Variants in TAF1 observed in about 807,000 individuals in gnomAD.
The protein encoded by TAF1 is transcription initiation factor TFIID subunit 1.
TAF1 carries 2 observed loss-of-function variants against 138.5 expected under a neutral mutation model. The observed-to-expected ratio is 0.01, with a 90% CI of 0.01 to 0.05. The LOEUF is 0.05. Ranked by LOEUF, TAF1 falls within the 10% of genes least tolerant of loss-of-function variation. The probability of loss-of-function intolerance (pLI) is 1.00; values close to 1 mark genes in which losing one functional copy is unlikely to be tolerated. For missense variants in TAF1, 709 were observed against 1,478.0 expected, an observed-to-expected ratio of 0.48 and a Z score of 8.53; for synonymous variants, 437 against 503.2, an observed-to-expected ratio of 0.87 and a Z score of 1.76.
At chrX:71,406,254 GGGAGGT>G (rs1170063041) in intron 25 of TAF1, among the ~76,000 whole-genome samples, 1 of 107,352 alleles carries the variant, frequency 9.3e-6, no homozygotes, top group Non-Finnish European at 1.9e-5. Flanking sequence ...ACTTGAACCT[GGGAGGT>G]GGAGGTTGCA....
At chrX:71,435,700 CTAT>C (rs2037103519) in intron 32 of TAF1, among the ~76,000 whole-genome samples, 1 of 111,378 alleles carries the variant, frequency 9.0e-6, no homozygotes, top group Non-Finnish European at 1.9e-5. Context: ...AGCATTTATT[CTAT>C]CATGCCCAGA....
At chrX:71,438,300 T>G (rs1257157657) in intron 32 of TAF1, among the ~76,000 whole-genome samples, 1 of 111,504 alleles carries the variant, frequency 9.0e-6, no homozygotes, top group Non-Finnish European at 1.9e-5. Flanking sequence ...CCTGGTAACC[T>G]CTATTCTAGT....
intron 13 of TAF1, among the ~76,000 whole-genome samples, chrX:71,506,124 C>A (rs1448388214): frequency 9.2e-6 from 1 of 108,612 alleles, no homozygotes; most frequent in African/African-American, 3.4e-5. Context: ...CCCTTGAACC[C>A]GGGAGGTGGA....
intron 13 of TAF1, among the ~76,000 whole-genome samples, chrX:71,497,888 G>A (rs1172132059): frequency 9.0e-6 from 1 of 111,650 alleles, no homozygotes; most frequent in Admixed American, 9.6e-5. Context: ...AATGTCCTAG[G>A]GTGAGGATAA....
chrX:71,430,093 C>CA (rs2036800260), intron 32 of TAF1, among the ~76,000 whole-genome samples: 2 of 111,668 alleles, frequency 1.8e-5, no homozygotes, highest in Non-Finnish European at 3.8e-5. Context: ...AAAAATGGCA[C>CA]ATCTAGGCCG....
At chrX:71,447,500 C>T (rs12688257) in intron 32 of TAF1, among the ~76,000 whole-genome samples, 4 of 110,526 alleles carry the variant, frequency 3.6e-5, no homozygotes, top group Admixed American at 9.7e-5. Flanking sequence ...GTCAGGAGTT[C>T]GAGACCAGCC....
intron 32 of TAF1, among the ~76,000 whole-genome samples, chrX:71,437,805 A>G (rs960984545): frequency 4.6e-5 from 5 of 107,557 alleles, no homozygotes. Context: ...TATGGAAAAT[A>G]TACATAATAT....
Position 71,452,684 on chromosome X carries a change from T to C in TAF1, c.4754-1486T>C, listed in dbSNP as rs568215001. 9.2e-4 allele frequency among the ~76,000 whole-genome samples: 103 copies of C among 112,055 alleles called. 2 individuals are homozygous for C. In the South Asian group the frequency reaches 0.019, roughly 20 times the overall value. On this transcript the variant is annotated intron_variant, in intron 32 of 37. Transcript: ENST00000423759. ...GGCGGCCGGGCAGAGGCTGCAATCT[T>C]GGCACTTTGGGGGGCCAAGGCAGGC...
intron 28 of TAF1, chrX:71,420,491 A>G (rs2036270930): frequency 3.3e-6 from 4 of 1,201,391 alleles, no homozygotes; most frequent in Admixed American, 4.3e-5. Flanking sequence ...TGGAACGGGC[A>G]TCGGCCTCCA....
At chrX:71,513,873 A>G (rs911863856) in intron 13 of TAF1, among the ~76,000 whole-genome samples, 1 of 111,292 alleles carries the variant, frequency 9.0e-6, no homozygotes, top group Non-Finnish European at 1.9e-5. Flanking sequence ...AAAATGCACC[A>G]ATCAGCGCTC....
At chrX:71,411,826 C>T (rs1482322177) in intron 28 of TAF1, among the ~76,000 whole-genome samples, 2 of 112,505 alleles carry the variant, frequency 1.8e-5, no homozygotes, top group African/African-American at 3.2e-5. Flanking sequence ...AGCGTGATCT[C>T]AGCTCACCGC....
At chrX:71,499,870 T>C (rs2039465328) in intron 13 of TAF1, among the ~76,000 whole-genome samples, 1 of 112,114 alleles carries the variant, frequency 8.9e-6, no homozygotes, top group African/African-American at 3.2e-5. Context: ...CCAAGTGAGA[T>C]CGAAGGTTTG....
chrX:71,369,219 A>G (rs1376669746), intron 3 of TAF1, among the ~76,000 whole-genome samples: 1 of 110,372 alleles, frequency 9.1e-6, no homozygotes, highest in Non-Finnish European at 1.9e-5. Flanking sequence ...TTGGTTTCGA[A>G]CTCCTTACCT....
intron 25 of TAF1, among the ~76,000 whole-genome samples, chrX:71,404,393 C>T (rs1395087294): frequency 9.0e-6 from 1 of 110,821 alleles, no homozygotes; most frequent in Non-Finnish European, 1.9e-5. Flanking sequence ...GCTCTGTCAC[C>T]CAGGCTGGAG....
At chrX:71,432,443 G>A (rs1010014333) in intron 32 of TAF1, among the ~76,000 whole-genome samples, 4 of 111,175 alleles carry the variant, frequency 3.6e-5, no homozygotes, top group African/African-American at 1.3e-4. Flanking sequence ...GCTGATTAGG[G>A]ACATTTCAGA....
rs137873668 is a variant in TAF1 at position 71,376,812 on chromosome X, A to G, written c.473-138A>G. On this transcript the variant is annotated intron_variant, in intron 4 of 37. Coordinates refer to ENST00000423759, the MANE Select transcript of TAF1 (RefSeq NM_004606.5). ...TTAGAATGAGTTTTCTGGGTTGCATACTAGTATTATGATTTGGGTGCTTGG... is the reference window on the plus strand; with the variant it reads ...TTAGAATGAGTTTTCTGGGTTGCATGCTAGTATTATGATTTGGGTGCTTGG... 1,990 of 870,865 alleles carry G rather than the reference A, an allele frequency of 2.3e-3. 20 individuals are homozygous for G. The African/African-American group carries it at 0.035, about 15-fold the overall frequency. The allele number at this position is 870,865 out of a possible 1,213,427, so 71.8% of individuals were successfully genotyped here.
intron 28 of TAF1, among the ~76,000 whole-genome samples, chrX:71,412,734 C>G (rs1229190585): frequency 9.0e-6 from 1 of 111,516 alleles, no homozygotes; most frequent in Non-Finnish European, 1.9e-5. Context: ...GCTATAGGCG[C>G]GTGCCACCCA....
rs757850515 is a variant in TAF1, at chrX:71,407,698, T to C, written c.4206+26T>C. 6.7e-5 allele frequency: 78 copies of C among 1,172,746 alleles called. No individual in the cohort carries two copies. In the East Asian group the frequency reaches 2.3e-3, roughly 34 times the overall value. ...GTGAGTTCATTGCATTGGATATCTA[T>C]AGTAGGGATGTCAAGGCCTTTTGTT... On this transcript the variant is annotated intron_variant, in intron 27 of 37. Transcript: ENST00000423759.
intron 28 of TAF1, among the ~76,000 whole-genome samples, chrX:71,412,798 G>C (rs957972430): frequency 4.4e-5 from 5 of 112,488 alleles, no homozygotes; most frequent in African/African-American, 1.6e-4. Context: ...GTGTTAGCCA[G>C]GTTGGTCTTG....
Sources: gnomAD v4.1 joint callset for allele counts (sites outside exome capture counted in the v4.1 genomes callset) on GRCh38, gnomAD v4.1.1 for gene constraint, MANE v1.5 for transcripts, NCBI Gene and HGNC (gene_info 2026-07-23, HGNC 2026-07-21) for gene names.